The following SOCS2 variants were observed in gnomAD, a reference collection of about 807,000 sequenced individuals.
SOCS2 encodes CIS-2.
A neutral mutation model predicts 18.6 loss-of-function variants in SOCS2; 10 were observed. That is an observed-to-expected ratio of 0.54 (90% confidence interval 0.33 to 0.91). The LOEUF (loss-of-function observed/expected upper bound fraction) is 0.91. Ranked by LOEUF, SOCS2 falls within the 40% of genes least tolerant of loss-of-function variation. The pLI is 0.02. For synonymous variants in SOCS2, 104 were observed against 104.0 expected (o/e 1.00, Z 0.00); for missense variants, 231 against 247.2 (o/e 0.93, Z 0.44).
At chr12:93,595,743 T>C in the SOCS2 span, among the ~76,000 whole-genome samples, 1 of 152,234 alleles carries the variant, frequency 6.6e-6, no homozygotes, top group Non-Finnish European at 1.5e-5. Context: ...TTGGTTAATC[T>C]AATAGAGTCT....
At chr12:93,573,380 G>A (rs1212444492) in intron 1 of SOCS2, 1 of 483,942 alleles carries the variant, frequency 2.1e-6, no homozygotes, top group African/African-American at 2.0e-5. Flanking sequence ...CCTTTGCACG[G>A]GGTGCAATCA....
the SOCS2 span, among the ~76,000 whole-genome samples, chr12:93,607,593 G>C: frequency 1.3e-5 from 2 of 152,228 alleles, no homozygotes; most frequent in Non-Finnish European, 2.9e-5. Context: ...TGAGGCAAAT[G>C]AGGCATTCAC....
chr12:93,609,186 G>A, the SOCS2 span, among the ~76,000 whole-genome samples: 1 of 152,202 alleles, frequency 6.6e-6, no homozygotes, highest in South Asian at 2.1e-4. Context: ...GAGTTCAGGA[G>A]TTCGGGACCT....
chr12:93,603,712 A>G, the SOCS2 span, among the ~76,000 whole-genome samples: 1 of 152,184 alleles, frequency 6.6e-6, no homozygotes, highest in East Asian at 1.9e-4. Context: ...CCAGTGCAGT[A>G]TTATTTGGGG....
chr12:93,589,491 C>T, the SOCS2 span, among the ~76,000 whole-genome samples: 2 of 152,146 alleles, frequency 1.3e-5, no homozygotes, highest in Non-Finnish European at 2.9e-5. Flanking sequence ...TTAAATAATG[C>T]TGTAATCTTA....
At chr12:93,587,847 T>C (rs550177365), downstream of SOCS2, among the ~76,000 whole-genome samples, 4 of 152,164 alleles carry the variant, frequency 2.6e-5, no homozygotes, top group Admixed American at 6.5e-5. Flanking sequence ...GAGATAACCC[T>C]AAGTTGGTGG....
the SOCS2 span, among the ~76,000 whole-genome samples, chr12:93,597,464 C>T: frequency 2.0e-5 from 3 of 151,872 alleles, no homozygotes; most frequent in Admixed American, 1.3e-4. Flanking sequence ...TACAGTTGTG[C>T]GCCACCACAC....
the SOCS2 span, among the ~76,000 whole-genome samples, chr12:93,615,855 C>T: frequency 9.8e-5 from 15 of 152,326 alleles, no homozygotes; most frequent in African/African-American, 3.4e-4. Context: ...CTCGGCCTCC[C>T]AAAGTGTTGG....
At chr12:93,587,874 T>C (rs980238184), downstream of SOCS2, among the ~76,000 whole-genome samples, 1 of 152,192 alleles carries the variant, frequency 6.6e-6, no homozygotes, top group Non-Finnish European at 1.5e-5. Context: ...AACTGAGCAC[T>C]CAGGGCTTTG....
the SOCS2 span, among the ~76,000 whole-genome samples, chr12:93,608,154 C>CT: frequency 4.0e-5 from 6 of 150,336 alleles, no homozygotes; most frequent in South Asian, 2.1e-4. Flanking sequence ...ATGCCTGGCC[C>CT]TTTTTTTGTT....
chr12:93,597,612 G>A, the SOCS2 span, among the ~76,000 whole-genome samples: 5 of 152,064 alleles, frequency 3.3e-5, no homozygotes, highest in South Asian at 4.1e-4. Flanking sequence ...CGCCATGCCC[G>A]AACTCAAATC....
At chr12:93,607,947 TTAGTC>T in the SOCS2 span, among the ~76,000 whole-genome samples, 1 of 151,678 alleles carries the variant, frequency 6.6e-6, no homozygotes, top group Non-Finnish European at 1.5e-5. Flanking sequence ...TGGAAGAAAA[TTAGTC>T]TGTCAACTAA....
At chr12:93,572,629 C>T (rs546741650), upstream of SOCS2, 20 of 672,094 alleles carry the variant, frequency 3.0e-5, no homozygotes, top group East Asian at 5.7e-4. This position sits in a 1 kb window ranked among gnomAD's most constrained non-coding sequence, Gnocchi z 5.0. Context: ...CCCACCCCCA[C>T]CCCAGCCGCA....
Position 93,572,929 on chromosome 12 carries a change from A to G in SOCS2, c.32A>G (p.Asn11Ser). MTLRCLEPSG[N>S]GGEGTRSQWG... ...CTGCGGTGCCTTGAGCCCTCCGGGA[A>G]TGGCGGGGAAGGGACGCGGAGCCAG... is the stretch of plus-strand genomic sequence containing the variant. The change falls in exon 1 of 2, where the codon AAT (asparagine) becomes AGT (serine). Residue 11 changes from asparagine to serine, a missense_variant. This residue lies in a region of SOCS2 where 106 missense variants were observed against 103.8 expected (regional missense o/e 1.02). Coordinates refer to ENST00000551556, the MANE Select transcript of SOCS2 (RefSeq NM_001270471.2). The surrounding 1 kb of genome is among the most constrained non-coding windows in gnomAD (Gnocchi z 5.0). 6.4e-7 allele frequency: 1 copy of G among 1,574,350 alleles called. No homozygotes were observed. The highest frequency in any genetic ancestry group is 8.6e-7 in the Non-Finnish European group (1 of 1,158,588).
the SOCS2 span, among the ~76,000 whole-genome samples, chr12:93,607,973 T>C: frequency 6.6e-6 from 1 of 151,994 alleles, no homozygotes; most frequent in South Asian, 2.1e-4. Context: ...ATTTTGTTTT[T>C]AGTAGTTATG....
the SOCS2 span, among the ~76,000 whole-genome samples, chr12:93,614,634 T>TC: frequency 2.1e-3 from 287 of 137,490 alleles, 17 homozygotes; most frequent in Middle Eastern, 0.015. Flanking sequence ...TTTCTTTCTT[T>TC]TGATGGAGTC....
At chr12:93,574,611 T>C in intron 1 of SOCS2, 111 bp from the exon 2 acceptor site, 1 of 698,944 alleles carries the variant, frequency 1.4e-6, no homozygotes, top group Middle Eastern at 4.3e-4. Flanking sequence ...CCTTTTTTTT[T>C]TTTCTTTTTT....
At chr12:93,588,747 T>A in the SOCS2 span, among the ~76,000 whole-genome samples, 1 of 151,954 alleles carries the variant, frequency 6.6e-6, no homozygotes, top group Admixed American at 6.6e-5. Context: ...CTTCCAAGTA[T>A]CTGGGACTAC....
downstream of SOCS2, among the ~76,000 whole-genome samples, chr12:93,579,143 G>A (rs1954504675): frequency 6.6e-6 from 1 of 152,190 alleles, no homozygotes; most frequent in African/African-American, 2.4e-5. Flanking sequence ...ATGCCTGGGC[G>A]ACTGCCCGCC....
Sources: gnomAD v4.1 joint callset for allele counts (sites outside exome capture counted in the v4.1 genomes callset) on GRCh38, gnomAD v4.1.1 for gene constraint, gnomAD v4.1.1 regional missense constraint, Gnocchi (gnomAD v3.1) non-coding constraint, MANE v1.5 for transcripts, NCBI Gene and HGNC (gene_info 2026-07-23, HGNC 2026-07-21) for gene names.